The following GALNT2 variants were observed in gnomAD, a reference collection of about 807,000 sequenced individuals.
GALNT2 encodes UDP-GalNAc:polypeptide N-acetylgalactosaminyltransferase 2.
Under a neutral mutation model 81.4 loss-of-function variants are expected in GALNT2, and 31 were observed. That is an observed-to-expected ratio of 0.38 (90% CI 0.29 to 0.51). The LOEUF is 0.51. Ranked by LOEUF, GALNT2 falls within the 20% of genes least tolerant of loss-of-function variation. The pLI, the probability that GALNT2 is intolerant of heterozygous loss-of-function variation, is 0.87. For synonymous variants in GALNT2, 303 were observed against 287.4 expected (o/e 1.05, Z -0.55); for missense variants, 629 against 765.7 (o/e 0.82, Z 2.11).
chr1:230,232,467 G>A (rs1664895217), intron 3 of GALNT2, among the ~76,000 whole-genome samples: 1 of 152,148 alleles, frequency 6.6e-6, no homozygotes, highest in South Asian at 2.1e-4. Flanking sequence ...GAGAGAATAG[G>A]ACATGATTGG....
chr1:230,078,837 C>T (rs921134055), intron 1 of GALNT2, among the ~76,000 whole-genome samples: 4 of 151,930 alleles, frequency 2.6e-5, no homozygotes, highest in Admixed American at 6.6e-5. Context: ...AGGGTCTCAC[C>T]CTATCACCCA....
At chr1:230,151,871 C>A (rs1287737183) in intron 1 of GALNT2, among the ~76,000 whole-genome samples, 1 of 152,218 alleles carries the variant, frequency 6.6e-6, no homozygotes, top group African/African-American at 2.4e-5. Context: ...ATGGCTATTT[C>A]TTGATGATAT....
intron 1 of GALNT2, among the ~76,000 whole-genome samples, chr1:230,132,739 C>T (rs1271511798): frequency 1.3e-5 from 2 of 152,174 alleles, no homozygotes; most frequent in Non-Finnish European, 2.9e-5. Context: ...TATTTTGTTG[C>T]AAAATAAAGG....
At chr1:230,209,216 A>G (rs901302052) in intron 3 of GALNT2, among the ~76,000 whole-genome samples, 1 of 152,136 alleles carries the variant, frequency 6.6e-6, no homozygotes, top group Non-Finnish European at 1.5e-5. Context: ...TAGCAGCCGC[A>G]TGGAAGTATG....
At chr1:230,208,379 C>T (rs1664130916) in intron 3 of GALNT2, among the ~76,000 whole-genome samples, 2 of 152,130 alleles carry the variant, frequency 1.3e-5, no homozygotes. Flanking sequence ...GCAGTCTCCT[C>T]AGCTGAGATA....
intron 1 of GALNT2, among the ~76,000 whole-genome samples, chr1:230,162,731 A>G (rs1662473715): frequency 6.6e-6 from 1 of 151,882 alleles, no homozygotes; most frequent in Non-Finnish European, 1.5e-5. Context: ...CCACCCCTCC[A>G]CTCCATTCCA....
intron 3 of GALNT2, among the ~76,000 whole-genome samples, chr1:230,233,369 CTT>C (rs760105716): frequency 6.6e-5 from 10 of 152,218 alleles, no homozygotes; most frequent in Non-Finnish European, 1.3e-4. Context: ...AATCCCAACA[CTT>C]TGGGAGGCCA....
intron 1 of GALNT2, among the ~76,000 whole-genome samples, chr1:230,089,210 G>T (rs1419504734): frequency 6.7e-6 from 1 of 148,298 alleles, no homozygotes; most frequent in Admixed American, 6.7e-5. Flanking sequence ...GCAATGGTGT[G>T]ATCTCGCCTC....
intron 1 of GALNT2, among the ~76,000 whole-genome samples, chr1:230,082,792 A>T (rs1229441284): frequency 6.6e-6 from 1 of 152,160 alleles, no homozygotes; most frequent in East Asian, 1.9e-4. Context: ...GGGAACTTGC[A>T]GAGAGAATAG....
At chr1:230,092,491 G>A (rs542752520) in intron 1 of GALNT2, among the ~76,000 whole-genome samples, 11 of 151,776 alleles carry the variant, frequency 7.2e-5, no homozygotes, top group African/African-American at 1.9e-4. Flanking sequence ...TTACAGGCAC[G>A]CGCCACCAAG....
chr1:230,170,564 A>G (rs766299137), intron 1 of GALNT2, among the ~76,000 whole-genome samples: 2 of 152,182 alleles, frequency 1.3e-5, no homozygotes, highest in Admixed American at 6.5e-5. Context: ...AGCCTAGTAT[A>G]TTGGTTTGTT....
chr1:230,267,669 CACCTGGAGGGAGGA>C (rs1666071080), intron 14 of GALNT2, among the ~76,000 whole-genome samples: 1 of 152,210 alleles, frequency 6.6e-6, no homozygotes, highest in Non-Finnish European at 1.5e-5. Flanking sequence ...TGTCAGGAGT[CACCTGGAGGGAGGA>C]ACCCATACAG....
At chr1:230,091,276 G>T (rs558145500) in intron 1 of GALNT2, among the ~76,000 whole-genome samples, 1 of 151,024 alleles carries the variant, frequency 6.6e-6, no homozygotes, top group Non-Finnish European at 1.5e-5. Context: ...GGGTTTCACC[G>T]TGTTGGCCAG....
chr1:230,084,131 C>G (rs1659831119), intron 1 of GALNT2, among the ~76,000 whole-genome samples: 2 of 152,204 alleles, frequency 1.3e-5, no homozygotes, highest in Non-Finnish European at 2.9e-5. Flanking sequence ...TCCCAGTGGA[C>G]TGTGAGTGTC....
chr1:230,210,105 A>C (rs1242197722), intron 3 of GALNT2, among the ~76,000 whole-genome samples: 1 of 152,148 alleles, frequency 6.6e-6, no homozygotes, highest in African/African-American at 2.4e-5. Context: ...GTCAGGCTGG[A>C]GCGTTTCCGG....
intron 1 of GALNT2, among the ~76,000 whole-genome samples, chr1:230,090,972 A>G (rs1054470487): frequency 1.3e-5 from 2 of 152,200 alleles, no homozygotes; most frequent in Non-Finnish European, 2.9e-5. Context: ...AGATACTGCT[A>G]AGAATGACAG....
intron 3 of GALNT2, among the ~76,000 whole-genome samples, chr1:230,212,603 C>T (rs1664266849): frequency 6.6e-6 from 1 of 152,020 alleles, no homozygotes; most frequent in South Asian, 2.1e-4. Context: ...CTGGCAGGCT[C>T]AGCGAGATAT....
At chr1:230,185,297 TGTGTGCGC>T (rs1228235680) in intron 2 of GALNT2, among the ~76,000 whole-genome samples, 33 of 108,666 alleles carry the variant, frequency 3.0e-4, no homozygotes, top group African/African-American at 7.6e-4. Context: ...TGTGTGTGTG[TGTGTGCGC>T]GCGTGTGTGT....
chr1:230,169,069 A>G (rs1407190377), intron 1 of GALNT2, among the ~76,000 whole-genome samples: 1 of 152,018 alleles, frequency 6.6e-6, no homozygotes, highest in Non-Finnish European at 1.5e-5. Context: ...GTTTTTTCTC[A>G]TGATTAGATG....
Sources: allele counts gnomAD v4.1 joint callset (sites outside exome capture counted in the v4.1 genomes callset), GRCh38; gene constraint gnomAD v4.1.1; transcripts MANE v1.5; gene names NCBI Gene and HGNC (gene_info 2026-07-23, HGNC 2026-07-21).